The following HAPLN4 variants were observed in gnomAD, a reference collection of about 807,000 sequenced individuals.
HAPLN4 encodes hyaluronan and proteoglycan link protein 4.
HAPLN4 carries 19 observed loss-of-function variants against 28.0 expected under a neutral mutation model. The ratio of observed to expected loss-of-function variants is 0.68; its 90% CI spans 0.47 to 1.00. HAPLN4 has a LOEUF of 1.00. Among genes scored for constraint, HAPLN4 ranks in the 50% least tolerant of loss-of-function variants. HAPLN4 has a pLI of 0.00. For missense variants in HAPLN4, 587 were observed against 602.6 expected, an observed-to-expected ratio of 0.97 and a Z score of 0.27; for synonymous variants, 274 against 273.0, an observed-to-expected ratio of 1.00 and a Z score of -0.03.
Position 19,260,985 on chromosome 19 carries a change from G to A in HAPLN4, c.312C>T (p.Pro104=), listed in dbSNP as rs754327793. 2.5e-6 allele frequency: 4 copies of A among 1,613,752 alleles called. No homozygotes were observed. The African/African-American group carries it at 5.3e-5, about 21-fold the overall frequency. ...GGTAGCTGCCGAATGCCCGGTGCTGGGGGCCTAGTGCCACGAAGACGTCGG... is the reference window on the plus strand; with the variant it reads ...GGTAGCTGCCGAATGCCCGGTGCTGAGGGCCTAGTGCCACGAAGACGTCGG... ...AFTDVFVALG[P]QHRAFGSYRG... Residue 104 remains proline (P), a synonymous_variant, in exon 3 of 5, where the codon CCC becomes CCT. Coordinates refer to ENST00000291481, the MANE Select transcript of HAPLN4 (RefSeq NM_023002.3).
Position 19,257,373 on chromosome 19 carries a change from A to C in HAPLN4, c.*444T>G. 6.3e-6 allele frequency: 1 copy of C among 159,130 alleles called. No individual in the cohort carries two copies. The highest frequency in any genetic ancestry group is 1.4e-5 in the Non-Finnish European group (1 of 72,986). 9.9% of individuals were successfully genotyped at this position (159,130 alleles called of 1,614,324 possible). On this transcript the variant is annotated 3_prime_UTR_variant, in exon 5 of 5. Transcript: ENST00000291481. ...GCGCCCAGTGTCCCACGTGACCGCA[A>C]GGGACTAGTGTTCAGTCTCCAGTGA...
chr19:19,261,141 C>G lies in HAPLN4; in HGVS notation c.156G>C (p.Ala52=). The G allele has an allele frequency of 6.2e-7, 1 of 1,608,476 alleles. No individual in the cohort carries two copies. The highest frequency in any genetic ancestry group is 1.1e-5 in the South Asian group (1 of 90,730). The change falls in exon 3 of 5, where the codon GCG becomes GCC. Residue 52 remains alanine, a synonymous_variant. Transcript: ENST00000291481. ...GESGSVVVQT[A]PGQVVSHRGG... ...CACGGTGGCTTACCACCTGCCCAGG[C>G]GCTGTCTGTACCACTACCGAGCCCG...
chr19:19,261,296 G>A, intron 2 of HAPLN4, 121 bp from the exon 3 acceptor site: 1 of 1,282,850 alleles, frequency 7.8e-7, no homozygotes, highest in South Asian at 1.3e-5. Flanking sequence ...AATCAGAAGG[G>A]TCCAGGGGCT....
At chr19:19,261,961 G>T (rs1046459995) in intron 1 of HAPLN4, among the ~76,000 whole-genome samples, 25 of 152,294 alleles carry the variant, frequency 1.6e-4, no homozygotes, top group Middle Eastern at 3.4e-3. Context: ...CGGGCAGGGA[G>T]GGGGGAGAGC....
chr19:19,258,232 G>T lies in HAPLN4; in HGVS notation c.818-24C>A. 2 of 1,461,098 alleles carry T rather than the reference G, an allele frequency of 1.4e-6. No individual in the cohort carries two copies. Among genetic ancestry groups the T allele is most frequent in the Non-Finnish European group, 1.8e-6 (2 of 1,106,904 alleles). The allele number at this position is 1,461,098 out of a possible 1,614,324, so 90.5% of individuals were successfully genotyped here. ...CCCTGCGGGGGTGAGGTGGGGGGTGGGTTATTAGTGCGGCTCCTGGGACCC... is the reference window on the plus strand; with the variant it reads ...CCCTGCGGGGGTGAGGTGGGGGGTGTGTTATTAGTGCGGCTCCTGGGACCC... On this transcript the variant is annotated intron_variant, in intron 4 of 4. Transcript: ENST00000291481. The surrounding 1 kb of genome is among the most constrained non-coding windows in gnomAD (Gnocchi z 6.2).
At chr19:19,261,609 C>A in intron 1 of HAPLN4, 46 bp from the exon 2 acceptor site, 1 of 1,295,500 alleles carries the variant, frequency 7.7e-7, no homozygotes, top group Non-Finnish European at 1.0e-6. Flanking sequence ...CCAGCCTTGG[C>A]TTTTCGGAGG....
In HAPLN4 at chr19:19,257,834, T is replaced by C; in HGVS notation, c.1192A>G (p.Thr398Ala). 7.1e-7 allele frequency: 1 copy of C among 1,414,416 alleles called. No homozygotes were observed. Among genetic ancestry groups the C allele is most frequent in the Non-Finnish European group, 9.1e-7 (1 of 1,095,098 alleles). 87.6% of individuals were successfully genotyped at this position (1,414,416 alleles called of 1,614,324 possible). A position where few individuals can be genotyped will look rare whatever the true frequency, so the allele number is the denominator to read the frequency against. Reference protein sequence around the residue: ...AGGARDPAAWTPLHV With the variant: ...AGGARDPAAWAPLHV ...CTCCCAGCCTAGACGTGCAGAGGGG[T>C]CCAGGCAGCAGGATCGCGCGCGCCC... Residue 398 changes from threonine to alanine, a missense_variant, in exon 5 of 5, where the codon ACC (threonine) becomes GCC (alanine). Thr to Ala is a moderately conservative substitution (Grantham distance 58, BLOSUM62 0). Transcript: ENST00000291481.
intron 1 of HAPLN4, 79 bp downstream of exon 1, chr19:19,262,651 A>C: frequency 1.3e-6 from 2 of 1,490,414 alleles, no homozygotes; most frequent in Non-Finnish European, 1.9e-6. Context: ...AGAGGGATAT[A>C]GATTCAGAGG....
Position 19,258,760 on chromosome 19 carries a change from A to G in HAPLN4, c.580T>C (p.Ser194Pro). The G allele has an allele frequency of 1.9e-6, 3 of 1,604,530 alleles. No individual in the cohort carries two copies. Among genetic ancestry groups the G allele is most frequent in the Non-Finnish European group, 2.5e-6 (3 of 1,177,002 alleles). ...ACAEQDGILA[S>P]AEQLHAAWRD... ...CAGGCCGCGTGCAGCTGTTCTGCAG[A>G]TGCCAGGATGCCGTCCTGCTCGGCG... The change falls in exon 4 of 5, where the codon TCT becomes CCT. Residue 194 changes from serine to proline, a missense_variant. Physicochemically the swap from Ser to Pro is moderately conservative, Grantham distance 74 (BLOSUM62 -1). Transcript: ENST00000291481. This position sits in a 1 kb window ranked among gnomAD's most constrained non-coding sequence, Gnocchi z 6.2.
At position 19,258,498 on chromosome 19, in the gene HAPLN4, C is replaced by G. The variant is rs1463995628; in HGVS notation, c.817+25G>C. 6.2e-7 allele frequency: 1 copy of G among 1,606,074 alleles called. No homozygotes were observed. Among genetic ancestry groups the G allele is most frequent in the Non-Finnish European group, 8.5e-7 (1 of 1,175,132 alleles). On this transcript the variant is annotated intron_variant, in intron 4 of 4. Transcript: ENST00000291481. This position sits in a 1 kb window ranked among gnomAD's most constrained non-coding sequence, Gnocchi z 6.2. ...GTTGGGGTAGTGTTGCAGCAGAGGC[C>G]AGTCTTGGGGTGAGGCCTACGCACC...
intron 3 of HAPLN4, 102 bp downstream of exon 3, chr19:19,260,711 T>G (rs1568609013): frequency 6.9e-7 from 1 of 1,445,826 alleles, no homozygotes; most frequent in Non-Finnish European, 9.4e-7. Flanking sequence ...CAACCAACCT[T>G]CTAAATGCCT....
At chr19:19,259,809 G>C (rs1386128579) in intron 3 of HAPLN4, among the ~76,000 whole-genome samples, 1 of 152,168 alleles carries the variant, frequency 6.6e-6, no homozygotes, top group Non-Finnish European at 1.5e-5. Flanking sequence ...CTTCTAAAGA[G>C]AACTGGAAAA....
Position 19,258,028 on chromosome 19 carries a change from A to G in HAPLN4, c.998T>C (p.Val333Ala). 2 of 1,529,204 alleles carry G rather than the reference A, an allele frequency of 1.3e-6. No individual in the cohort carries two copies. The highest frequency in any genetic ancestry group is 1.7e-6 in the Non-Finnish European group (2 of 1,143,504). The allele number at this position is 1,529,204 out of a possible 1,614,324, so 94.7% of individuals were successfully genotyped here. A position where few individuals can be genotyped will look rare whatever the true frequency, so the allele number is the denominator to read the frequency against. The change falls in exon 5 of 5, where the codon GTG becomes GCG. Residue 333 changes from valine (V) to alanine (A), a missense_variant. Val to Ala is a moderately conservative substitution (Grantham distance 64). Transcript: ENST00000291481. This position sits in a 1 kb window ranked among gnomAD's most constrained non-coding sequence, Gnocchi z 6.2. ...LADGSARYPI[V>A]NPRARCGGRR... ...GCCTCCGCAGCGCGCTCGCGGGTTCACGATGGGGTAGCGCGCACTGCCATC... is the reference window on the plus strand; with the variant it reads ...GCCTCCGCAGCGCGCTCGCGGGTTCGCGATGGGGTAGCGCGCACTGCCATC...
At chr19:19,261,744 C>G (rs1388129840) in intron 1 of HAPLN4, 181 bp from the exon 2 acceptor site, 1 of 529,944 alleles carries the variant, frequency 1.9e-6, no homozygotes, top group East Asian at 3.4e-5. Flanking sequence ...CTAGCTTCTG[C>G]AAGAACCCAC....
chr19:19,258,059 G>C lies in HAPLN4; in HGVS notation c.967C>G (p.Leu323Val). 6.4e-7 allele frequency: 1 copy of C among 1,552,192 alleles called. No homozygotes were observed. The highest frequency in any genetic ancestry group is 8.7e-7 in the Non-Finnish European group (1 of 1,155,448). The change falls in exon 5 of 5, where the codon CTG becomes GTG. Residue 323 changes from leucine (L) to valine (V), a missense_variant. By Grantham distance (32) the Leu-to-Val change is conservative (BLOSUM62 1). Transcript: ENST00000291481. The surrounding 1 kb of genome is among the most constrained non-coding windows in gnomAD (Gnocchi z 6.2). ...QLLDRCTAGW[L>V]ADGSARYPIV... The stretch of plus-strand genomic sequence containing the variant: ...GGGTAGCGCGCACTGCCATCGGCCA[G>C]CCAACCCGCGGTGCAGCGGTCTAGC...
chr19:19,262,141 GAGATGGAGAGGGAGAGAC>G (rs1568609730), intron 1 of HAPLN4, among the ~76,000 whole-genome samples: 16 of 151,896 alleles, frequency 1.1e-4, no homozygotes, highest in African/African-American at 3.1e-4. Context: ...GGGAGAGACA[GAGATGGAGAGGGAGAGAC>G]AGAGAGGCAG....
chr19:19,258,667 G>T lies in HAPLN4; in HGVS notation c.673C>A (p.Arg225=), dbSNP rs1375999173. 1.2e-5 allele frequency: 20 copies of T among 1,609,714 alleles called. No homozygotes were observed. The highest frequency in any genetic ancestry group is 3.3e-5 in the Admixed American group (2 of 59,730). The change falls in exon 4 of 5, where the codon CGG becomes AGG. Residue 225 remains arginine (R), a synonymous_variant. Transcript: ENST00000291481. This position sits in a 1 kb window ranked among gnomAD's most constrained non-coding sequence, Gnocchi z 6.2. The stretch of plus-strand genomic sequence containing the variant: ...AGGCCGCCGCAGGGCTCCCGGGGCC[G>T]GTTCACGGGGTATTGCACTGAGCCG... The part of the protein sequence containing the change: ...RDGSVQYPVN[R]PREPCGGLGG...
chr19:19,260,958 A>G lies in HAPLN4; in HGVS notation c.339T>C (p.Arg113=), dbSNP rs1044034857. The G allele has an allele frequency of 3.7e-6, 6 of 1,613,616 alleles. No individual in the cohort carries two copies. Among genetic ancestry groups the G allele is most frequent in the Non-Finnish European group, 5.1e-6 (6 of 1,179,972 alleles). ...CGTCGCCCTGCAGCTCAGCCCGCCC[A>G]CGGTAGCTGCCGAATGCCCGGTGCT... is the stretch of plus-strand genomic sequence containing the variant. The part of the protein sequence containing the change: ...GPQHRAFGSY[R]GRAELQGDGP... Residue 113 remains arginine (R), a synonymous_variant, in exon 3 of 5, where the codon CGT becomes CGC. Transcript: ENST00000291481.
intron 3 of HAPLN4, among the ~76,000 whole-genome samples, chr19:19,259,779 C>T (rs1254136382): frequency 6.6e-6 from 1 of 152,098 alleles, no homozygotes; most frequent in Non-Finnish European, 1.5e-5. Context: ...AAGCAAGGGC[C>T]CTGAAATCTC....
Sources: allele counts gnomAD v4.1 joint callset (sites outside exome capture counted in the v4.1 genomes callset), GRCh38; gene constraint gnomAD v4.1.1; non-coding constraint Gnocchi (gnomAD v3.1); transcripts MANE v1.5; gene names NCBI Gene and HGNC (gene_info 2026-07-23, HGNC 2026-07-21).